NCAM1: variants seen among roughly 807,000 people sequenced by gnomAD.
NCAM1 encodes the protein antigen recognized by monoclonal antibody 5.1H11.
Under a neutral mutation model 109.8 loss-of-function variants are expected in NCAM1, and 14 were observed. The observed-to-expected ratio is 0.13, with a 90% CI of 0.08 to 0.20. The LOEUF (loss-of-function observed/expected upper bound fraction) is 0.20. Ranked by LOEUF, NCAM1 falls within the 10% of genes least tolerant of loss-of-function variation. The pLI is 1.00. For missense variants in NCAM1, 774 were observed against 1,109.9 expected (o/e 0.70, Z 4.30); for synonymous variants, 418 against 442.9 (o/e 0.94, Z 0.70).
At chr11:113,207,151 C>T (rs1313755056) in intron 5 of NCAM1, 110 bp from the exon 6 acceptor site, 2 of 754,166 alleles carry the variant, frequency 2.7e-6, no homozygotes, top group African/African-American at 1.7e-5. Flanking sequence ...CTGCACACGA[C>T]GTTTGTCCCA....
chr11:113,242,758 C>T (rs781915926), intron 14 of NCAM1: 2 of 1,531,652 alleles, frequency 1.3e-6, no homozygotes, highest in South Asian at 2.2e-5. Context: ...TATCTCCATT[C>T]TCTCCTTCAC....
At chr11:112,999,574 A>G (rs1293443403) in intron 1 of NCAM1, among the ~76,000 whole-genome samples, 2 of 152,068 alleles carry the variant, frequency 1.3e-5, no homozygotes, top group African/African-American at 2.4e-5. Context: ...TTTTTTTTAA[A>G]TAAAAAAATA....
intron 1 of NCAM1, among the ~76,000 whole-genome samples, chr11:113,181,655 C>A (rs1555107993): frequency 6.6e-6 from 1 of 152,072 alleles, no homozygotes. Context: ...GCACGTCCTG[C>A]ACGTGTACCC....
intron 1 of NCAM1, among the ~76,000 whole-genome samples, chr11:113,137,239 G>A (rs782654950): frequency 3.3e-5 from 5 of 152,042 alleles, no homozygotes; most frequent in Admixed American, 2.0e-4. Flanking sequence ...TATAGAAATC[G>A]CTTAAATAAC....
At chr11:113,112,599 G>A (rs1940493164) in intron 1 of NCAM1, among the ~76,000 whole-genome samples, 1 of 152,056 alleles carries the variant, frequency 6.6e-6, no homozygotes, top group Non-Finnish European at 1.5e-5. Flanking sequence ...TGAAAAATAA[G>A]AAAAAACTGG....
At chr11:113,206,248 T>A in intron 5 of NCAM1, 68 bp downstream of exon 5, 1 of 1,498,008 alleles carries the variant, frequency 6.7e-7, no homozygotes, top group Non-Finnish European at 9.0e-7. Flanking sequence ...TCATTCTCTT[T>A]AACTTCCTCT....
intron 1 of NCAM1, among the ~76,000 whole-genome samples, chr11:113,186,248 C>T (rs1943504954): frequency 6.6e-6 from 1 of 152,194 alleles, no homozygotes; most frequent in African/African-American, 2.4e-5. Context: ...CTGAGCTCTG[C>T]CTCCTGTCAG....
chr11:113,033,231 A>T (rs1952773996), intron 1 of NCAM1, among the ~76,000 whole-genome samples: 2 of 152,212 alleles, frequency 1.3e-5, no homozygotes, highest in Non-Finnish European at 2.9e-5. Flanking sequence ...ATGTTATCAG[A>T]CTTGCTTAGG....
chr11:113,079,577 G>T (rs536760625), intron 1 of NCAM1, among the ~76,000 whole-genome samples: 56 of 152,346 alleles, frequency 3.7e-4, no homozygotes, highest in African/African-American at 1.3e-3. Context: ...ATGTGAACAT[G>T]AAGGTAATCT....
intron 9 of NCAM1, among the ~76,000 whole-genome samples, chr11:113,225,877 A>G (rs1316427209): frequency 6.6e-6 from 1 of 152,212 alleles, no homozygotes; most frequent in Non-Finnish European, 1.5e-5. Context: ...CAGACAAGCA[A>G]ATGCTGAGAG....
chr11:113,157,470 T>TAC (rs1942456527), intron 1 of NCAM1, among the ~76,000 whole-genome samples: 1 of 152,168 alleles, frequency 6.6e-6, no homozygotes, highest in Non-Finnish European at 1.5e-5. Context: ...TGGTACATAA[T>TAC]ACACATACTA....
At position 113,153,453 on chromosome 11, in the gene NCAM1, TGA is replaced by T. The variant is rs10669540; in HGVS notation, c.53-48904_53-48903del. Among the ~76,000 whole-genome samples the T allele has an allele frequency of 5.5e-3, 774 of 140,720 alleles. 3 individuals carry two copies. Among genetic ancestry groups the T allele is most frequent in the South Asian group, 0.012 (53 of 4,362 alleles). 92.3% of individuals were successfully genotyped at this position (140,720 alleles called of 152,430 possible). ...GGAGGGGGGGCACAGAGACAGAGAGTGAGAGAGAGAGAGAGAGAGAGAGTGTG... is the reference window on the plus strand; with the variant it reads ...GGAGGGGGGGCACAGAGACAGAGAGTGAGAGAGAGAGAGAGAGAGAGTGTG... On this transcript the variant is annotated intron_variant, in intron 1 of 19. Transcript: ENST00000316851.
chr11:113,241,928 T>C (rs1945338376), intron 14 of NCAM1, among the ~76,000 whole-genome samples: 2 of 152,218 alleles, frequency 1.3e-5, no homozygotes, highest in Non-Finnish European at 2.9e-5. Context: ...TGTCACCATC[T>C]GTTGACTCAG....
intron 1 of NCAM1, among the ~76,000 whole-genome samples, chr11:113,144,538 T>A (rs1004994410): frequency 4.6e-5 from 7 of 152,188 alleles, no homozygotes; most frequent in African/African-American, 1.2e-4. Flanking sequence ...TAACCACTAA[T>A]ACATTAAAGT....
chr11:113,108,664 A>G (rs79002766), intron 1 of NCAM1, among the ~76,000 whole-genome samples: 2,065 of 152,216 alleles, frequency 0.014, 33 homozygotes, highest in African/African-American at 0.046. Flanking sequence ...AGCACTTTGT[A>G]CTATCTGAAA....
At chr11:113,243,262 T>G (rs2137402646) in intron 14 of NCAM1, among the ~76,000 whole-genome samples, 1 of 152,230 alleles carries the variant, frequency 6.6e-6, no homozygotes, top group Middle Eastern at 3.4e-3. Flanking sequence ...AGGGAAGGAA[T>G]AGGAGAAAAT....
Position 112,979,961 on chromosome 11 carries a change from C to T in NCAM1, c.52+18297C>T, listed in dbSNP as rs1951109756. Among the ~76,000 whole-genome samples, 5 of 151,656 alleles carry T rather than the reference C, an allele frequency of 3.3e-5. No individual in the cohort carries two copies. In the South Asian group the frequency reaches 8.3e-4, roughly 25 times the overall value. On this transcript the variant is annotated intron_variant, in intron 1 of 19. Transcript: ENST00000316851. ...TTCAGAAAACACACTTGACAAAATG[C>T]GACACCCCTTCAGGATGAAAACACT...
chr11:113,213,549 C>T (rs970971152), intron 7 of NCAM1, among the ~76,000 whole-genome samples: 1 of 152,168 alleles, frequency 6.6e-6, no homozygotes, highest in Non-Finnish European at 1.5e-5. Flanking sequence ...TGCTAACACC[C>T]TTCTCCCAGT....
At chr11:112,976,942 A>AT (rs1315230544) in intron 1 of NCAM1, among the ~76,000 whole-genome samples, 1 of 151,392 alleles carries the variant, frequency 6.6e-6, no homozygotes, top group Non-Finnish European at 1.5e-5. Flanking sequence ...GTTTTCAATG[A>AT]TTTTTTCCTT....
Sources: gnomAD v4.1 joint callset for allele counts (sites outside exome capture counted in the v4.1 genomes callset) on GRCh38, gnomAD v4.1.1 for gene constraint, MANE v1.5 for transcripts, NCBI Gene and HGNC (gene_info 2026-07-23, HGNC 2026-07-21) for gene names.